IGF1: variants seen among roughly 807,000 people sequenced by gnomAD.
IGF1 encodes insulin-like growth factor 1.
In IGF1, 4 loss-of-function variants were observed where a neutral mutation model predicts 13.8. The ratio of observed to expected loss-of-function variants is 0.29; its 90% confidence interval spans 0.14 to 0.66. The LOEUF is 0.66. Ranked by LOEUF, IGF1 falls within the 30% of genes least tolerant of loss-of-function variation. IGF1 has a pLI of 0.78. For missense variants in IGF1, 124 were observed against 188.5 expected, an observed-to-expected ratio of 0.66 and a Z score of 2.00; for synonymous variants, 76 against 72.6, an observed-to-expected ratio of 1.05 and a Z score of -0.23.
At chr12:102,417,630 TC>T (rs1480308591) in intron 3 of IGF1, 3 of 1,360,366 alleles carry the variant, frequency 2.2e-6, no homozygotes, top group African/African-American at 3.0e-5. Flanking sequence ...ATTACATTTT[TC>T]TTTTCCGTTT....
chr12:102,452,187 G>A (rs1462491667), intron 2 of IGF1, among the ~76,000 whole-genome samples: 7 of 148,022 alleles, frequency 4.7e-5, no homozygotes, highest in African/African-American at 1.5e-4. Flanking sequence ...GCGTGAACCC[G>A]GGAGGCGGAG....
chr12:102,417,648 T>G, intron 3 of IGF1: 1 of 1,384,464 alleles, frequency 7.2e-7, no homozygotes, highest in Non-Finnish European at 9.3e-7. Flanking sequence ...GTTTTCTCCA[T>G]GTTTCTTAGC....
chr12:102,419,488 A>G (rs899381465), intron 3 of IGF1, 21 bp downstream of exon 3: 2 of 1,609,184 alleles, frequency 1.2e-6, no homozygotes, highest in Admixed American at 1.7e-5. Context: ...GGATGGCTGG[A>G]TCCCACCCAG....
intron 2 of IGF1, among the ~76,000 whole-genome samples, chr12:102,442,901 G>A (rs893618464): frequency 6.6e-6 from 1 of 152,038 alleles, no homozygotes; most frequent in Admixed American, 6.6e-5. Context: ...ACTGTGCTAG[G>A]CACCACTGGT....
chr12:102,418,420 G>A (rs1421673100), intron 3 of IGF1, among the ~76,000 whole-genome samples: 1 of 152,228 alleles, frequency 6.6e-6, no homozygotes, highest in Admixed American at 6.5e-5. Flanking sequence ...AAGCCACCAT[G>A]GTCCTCTTCC....
At chr12:102,477,397 A>G (rs1050771334) in intron 1 of IGF1, among the ~76,000 whole-genome samples, 10 of 152,334 alleles carry the variant, frequency 6.6e-5, no homozygotes, top group African/African-American at 1.9e-4. Flanking sequence ...AATAATGGAC[A>G]TAAAATAGAA....
At chr12:102,458,486 C>T (rs988506142) in intron 2 of IGF1, among the ~76,000 whole-genome samples, 3 of 152,112 alleles carry the variant, frequency 2.0e-5, no homozygotes, top group East Asian at 1.9e-4. Flanking sequence ...CTTGAAAATA[C>T]CGAAAAGTCC....
At chr12:102,430,680 A>G (rs971406243) in intron 2 of IGF1, among the ~76,000 whole-genome samples, 2 of 152,134 alleles carry the variant, frequency 1.3e-5, no homozygotes, top group African/African-American at 4.8e-5. Context: ...TTGCTAATTT[A>G]TTTTTCTTCT....
In IGF1 at chr12:102,402,576, A is replaced by G. The variant is rs1457775425; in HGVS notation, c.403-10T>C. ...TCTTCAAATGTACTTCCTATAAATA[A>G]AGGAGAAAAAGTGACATTAACTTGA... is the stretch of plus-strand genomic sequence containing the variant. On this transcript the variant is annotated splice_polypyrimidine_tract_variant and intron_variant, in intron 3 of 3. Transcript: ENST00000337514. The G allele has an allele frequency of 1.3e-6, 1 of 780,634 alleles. No individual in the cohort carries two copies. Among genetic ancestry groups the G allele is most frequent in the East Asian group, 2.4e-5 (1 of 41,226 alleles). The allele number at this position is 780,634 out of a possible 1,614,324, so 48.4% of individuals were successfully genotyped here.
intron 3 of IGF1, among the ~76,000 whole-genome samples, chr12:102,412,036 A>G (rs1036711209): frequency 6.6e-5 from 10 of 152,206 alleles, no homozygotes; most frequent in Non-Finnish European, 1.3e-4. Flanking sequence ...AATTGGTTCT[A>G]TAGGAAAGTT....
Position 102,402,682 on chromosome 12 carries a change from G to C in IGF1, c.403-116C>G, listed in dbSNP as rs565255968. The C allele has an allele frequency of 1.7e-5, 13 of 746,520 alleles. No individual in the cohort carries two copies. The South Asian group carries it at 1.8e-4, about 10-fold the overall frequency. The allele number at this position is 746,520 out of a possible 1,614,324, so 46.2% of individuals were successfully genotyped here. On this transcript the variant is annotated intron_variant, in intron 3 of 3. Transcript: ENST00000337514. ...ACGCCTTACCAGTTGAGCTAATAGA[G>C]AGCTTGAACCTTGGTTTTCCTGAGA...
intron 3 of IGF1, among the ~76,000 whole-genome samples, chr12:102,417,041 G>A (rs1436466058): frequency 6.6e-6 from 1 of 152,184 alleles, no homozygotes; most frequent in Non-Finnish European, 1.5e-5. Flanking sequence ...AGGAGCCCAT[G>A]ACAGAGCCTT....
chr12:102,477,119 T>C (rs913439853), intron 1 of IGF1, among the ~76,000 whole-genome samples: 1 of 152,044 alleles, frequency 6.6e-6, no homozygotes, highest in African/African-American at 2.4e-5. Context: ...TTCAACCCCA[T>C]CACTTTTGGA....
chr12:102,410,591 A>G (rs1874552804), intron 3 of IGF1, among the ~76,000 whole-genome samples: 1 of 152,208 alleles, frequency 6.6e-6, no homozygotes, highest in Non-Finnish European at 1.5e-5. Flanking sequence ...AATTTATGCT[A>G]GAGTTACTTA....
At chr12:102,432,587 C>A (rs1173399946) in intron 2 of IGF1, among the ~76,000 whole-genome samples, 1 of 152,170 alleles carries the variant, frequency 6.6e-6, no homozygotes, top group Non-Finnish European at 1.5e-5. Context: ...GGGATCTTAC[C>A]TGTGTCCTGT....
chr12:102,421,911 G>T (rs1875754519), intron 2 of IGF1, among the ~76,000 whole-genome samples: 1 of 152,148 alleles, frequency 6.6e-6, no homozygotes, highest in Admixed American at 6.5e-5. Context: ...TCTTGGGATG[G>T]CAGAGAGAGT....
At chr12:102,442,435 C>T (rs766415182) in intron 2 of IGF1, among the ~76,000 whole-genome samples, 5 of 151,990 alleles carry the variant, frequency 3.3e-5, no homozygotes, top group Non-Finnish European at 5.9e-5. Flanking sequence ...AAATAGGTAC[C>T]TTTTTCTTCA....
At position 102,402,060 on chromosome 12, in the gene IGF1, C is replaced by T. The variant is rs556986582; in HGVS notation, c.*447G>A. The T allele has an allele frequency of 6.4e-6, 1 of 155,074 alleles. No individual in the cohort carries two copies. Among genetic ancestry groups the T allele is most frequent in the South Asian group, 2.0e-4 (1 of 4,936 alleles). The allele number at this position is 155,074 out of a possible 1,614,324, so 9.6% of individuals were successfully genotyped here. A position where few individuals can be genotyped will look rare whatever the true frequency, so the allele number is the denominator to read the frequency against. On this transcript the variant is annotated 3_prime_UTR_variant, in exon 4 of 4. Transcript: ENST00000337514. Reference sequence around the variant, plus strand: ...AGATTATCAGACACTGTAAAACAAACAGCCCGAGTTGTGTAGAAAGAAGTG... The same window carrying T: ...AGATTATCAGACACTGTAAAACAAATAGCCCGAGTTGTGTAGAAAGAAGTG...
chr12:102,456,859 A>G, intron 2 of IGF1, among the ~76,000 whole-genome samples: 1 of 152,148 alleles, frequency 6.6e-6, no homozygotes, highest in South Asian at 2.1e-4. Context: ...ACCCACTTTC[A>G]ACTTCAGGAT....
Sources: gnomAD v4.1 joint callset for allele counts (sites outside exome capture counted in the v4.1 genomes callset) on GRCh38, gnomAD v4.1.1 for gene constraint, MANE v1.5 for transcripts, NCBI Gene and HGNC (gene_info 2026-07-23, HGNC 2026-07-21) for gene names.